The following ZNF609 variants were observed in gnomAD, a reference collection of about 807,000 sequenced individuals.
ZNF609 encodes zinc finger protein 609.
ZNF609 carries 11 observed loss-of-function variants against 109.5 expected under a neutral mutation model. The ratio of observed to expected loss-of-function variants is 0.10; its 90% CI spans 0.06 to 0.17. ZNF609 has a LOEUF of 0.17. Ranked by LOEUF, ZNF609 falls within the 10% of genes least tolerant of loss-of-function variation. The probability of loss-of-function intolerance (pLI) is 1.00; values close to 1 mark genes in which losing one functional copy is unlikely to be tolerated. For missense variants in ZNF609, 1,559 were observed against 1,772.4 expected, an observed-to-expected ratio of 0.88 and a Z score of 2.16; for synonymous variants, 646 against 662.0, an observed-to-expected ratio of 0.98 and a Z score of 0.37.
intron 2 of ZNF609, among the ~76,000 whole-genome samples, chr15:64,616,602 C>T (rs1895801965): frequency 1.4e-5 from 2 of 143,788 alleles, no homozygotes; most frequent in African/African-American, 5.1e-5. Flanking sequence ...TCACTGCAAG[C>T]TCCACCTCCC....
At chr15:64,628,206 C>CAGG (rs1057002105) in intron 3 of ZNF609, among the ~76,000 whole-genome samples, 18 of 152,116 alleles carry the variant, frequency 1.2e-4, no homozygotes, top group African/African-American at 4.1e-4. Flanking sequence ...GAGGCTAAGG[C>CAGG]AGGAGGATCA....
At chr15:64,542,009 AT>A (rs1894273906) in intron 2 of ZNF609, among the ~76,000 whole-genome samples, 1 of 151,814 alleles carries the variant, frequency 6.6e-6, no homozygotes, top group Non-Finnish European at 1.5e-5. Context: ...TGAGTTGGGC[AT>A]GGTAGTATAG....
chr15:64,634,744 A>G (rs1219234962), intron 3 of ZNF609, among the ~76,000 whole-genome samples: 1 of 152,160 alleles, frequency 6.6e-6, no homozygotes, highest in East Asian at 1.9e-4. Flanking sequence ...CCGAAGAAAT[A>G]GCTCTACCAA....
chr15:64,540,720 A>C (rs1024869843), intron 2 of ZNF609, among the ~76,000 whole-genome samples: 18 of 151,380 alleles, frequency 1.2e-4, no homozygotes, highest in African/African-American at 4.4e-4. Flanking sequence ...AGGTTTTTAA[A>C]ATGTAGATTA....
At chr15:64,638,166 A>C (rs1345646075) in intron 3 of ZNF609, among the ~76,000 whole-genome samples, 1 of 151,688 alleles carries the variant, frequency 6.6e-6, no homozygotes, top group Non-Finnish European at 1.5e-5. Flanking sequence ...CAAAAAGACC[A>C]TCCTTTCCCC....
chr15:64,505,067 A>T (rs977143477), intron 2 of ZNF609, among the ~76,000 whole-genome samples: 2 of 152,234 alleles, frequency 1.3e-5, no homozygotes, highest in African/African-American at 2.4e-5. Context: ...AGTGACTTTA[A>T]CATTGTAGAC....
At chr15:64,493,708 A>T (rs1444336345) in intron 1 of ZNF609, among the ~76,000 whole-genome samples, 1 of 152,210 alleles carries the variant, frequency 6.6e-6, no homozygotes, top group African/African-American at 2.4e-5. Context: ...GAAAATAATC[A>T]CAGAAACTTG....
chr15:64,466,540 G>A (rs1178410352), intron 1 of ZNF609, among the ~76,000 whole-genome samples: 2 of 152,162 alleles, frequency 1.3e-5, no homozygotes, highest in Non-Finnish European at 1.5e-5. Flanking sequence ...GGAAAGTGAG[G>A]CCAGACTATG....
At chr15:64,523,803 T>G (rs558102158) in intron 2 of ZNF609, among the ~76,000 whole-genome samples, 4 of 152,188 alleles carry the variant, frequency 2.6e-5, no homozygotes, top group African/African-American at 7.2e-5. Context: ...GTTATAAACT[T>G]AAATTTCATG....
intron 2 of ZNF609, among the ~76,000 whole-genome samples, chr15:64,579,205 CA>C (rs1414292587): frequency 2.0e-5 from 3 of 150,930 alleles, no homozygotes; most frequent in Non-Finnish European, 4.4e-5. Flanking sequence ...CCCATCTCTA[CA>C]AAAAATTTAA....
At chr15:64,630,659 A>C (rs1896058221) in intron 3 of ZNF609, among the ~76,000 whole-genome samples, 1 of 149,250 alleles carries the variant, frequency 6.7e-6, no homozygotes. Flanking sequence ...GAAGAAATGG[A>C]GTTTCACCGT....
In ZNF609 at chr15:64,675,480, A is replaced by G. The variant is rs143666205; in HGVS notation, c.2626A>G (p.Lys876Glu). 1 of 1,614,202 alleles carries G rather than the reference A, an allele frequency of 6.2e-7. No individual in the cohort carries two copies. Among genetic ancestry groups the G allele is most frequent in the Non-Finnish European group, 8.5e-7 (1 of 1,180,046 alleles). ...DAEQLVKEGAKKTLFPPQPQS... is the reference protein window; with the variant it reads ...DAEQLVKEGAEKTLFPPQPQS... ...CGAACAGTTGGTTAAAGAAGGGGCT[A>G]AGAAAACTCTTTTTCCCCCTCAGCC... Residue 876 changes from lysine (K) to glutamate (E), a missense_variant, in exon 5 of 10, where the codon AAG becomes GAG. Transcript: ENST00000326648.
chr15:64,671,178 C>G (rs1222446726), intron 4 of ZNF609: 2 of 143,680 alleles, frequency 1.4e-5, no homozygotes, highest in Non-Finnish European at 3.0e-5. Context: ...CCACTGCACT[C>G]CAGCCTGGGG....
rs577971309 is a variant in ZNF609 at position 64,679,448 on chromosome 15, G to A, written c.3770-737G>A. Among the ~76,000 whole-genome samples the A allele has an allele frequency of 3.0e-4, 45 of 152,310 alleles. No individual in the cohort carries two copies. The South Asian group carries it at 7.9e-3, about 27-fold the overall frequency. Reference sequence around the variant, plus strand: ...TTTGTTGCCCAAAGAACCATGTGGGGTGCTTCTGGGGTGGAAGGGCACTGC... The same window carrying A: ...TTTGTTGCCCAAAGAACCATGTGGGATGCTTCTGGGGTGGAAGGGCACTGC... On this transcript the variant is annotated intron_variant, in intron 6 of 9. Coordinates refer to ENST00000326648, the MANE Select transcript of ZNF609 (RefSeq NM_015042.2).
At chr15:64,660,378 G>A (rs1896556416) in intron 3 of ZNF609, among the ~76,000 whole-genome samples, 1 of 152,140 alleles carries the variant, frequency 6.6e-6, no homozygotes, top group South Asian at 2.1e-4. Flanking sequence ...GACGGTCTAT[G>A]TCAGGGATTA....
At chr15:64,678,067 A>G in intron 5 of ZNF609, 49 bp from the exon 6 acceptor site, 1 of 1,569,610 alleles carries the variant, frequency 6.4e-7, no homozygotes, top group Non-Finnish European at 8.6e-7. Context: ...CTTGAAGTAT[A>G]TCTGTCTTAT....
At chr15:64,532,171 C>G (rs1894072144) in intron 2 of ZNF609, among the ~76,000 whole-genome samples, 1 of 152,172 alleles carries the variant, frequency 6.6e-6, no homozygotes, top group Non-Finnish European at 1.5e-5. Flanking sequence ...AAGTACGTAG[C>G]ATGGCCAACT....
intron 2 of ZNF609, among the ~76,000 whole-genome samples, chr15:64,575,871 G>A (rs578195996): frequency 1.3e-5 from 2 of 152,068 alleles, no homozygotes; most frequent in African/African-American, 4.8e-5. Flanking sequence ...GGGAGGCCGA[G>A]GCAGGTGGAT....
chr15:64,548,210 G>A (rs568397376), intron 2 of ZNF609, among the ~76,000 whole-genome samples: 14 of 152,142 alleles, frequency 9.2e-5, no homozygotes, highest in Non-Finnish European at 2.1e-4. Flanking sequence ...ACACAAAGTA[G>A]GAAACAAAGG....
Sources: allele counts gnomAD v4.1 joint callset (sites outside exome capture counted in the v4.1 genomes callset), GRCh38; gene constraint gnomAD v4.1.1; transcripts MANE v1.5; gene names NCBI Gene and HGNC (gene_info 2026-07-23, HGNC 2026-07-21).